TMEM150B: variants seen among roughly 807,000 people sequenced by gnomAD.
TMEM150B encodes the protein modulator of macroautophagy TMEM150B.
Under a neutral mutation model 25.2 loss-of-function variants are expected in TMEM150B, and 33 were observed. That is an observed-to-expected ratio of 1.31 (90% CI 0.99 to 1.75). The LOEUF is 1.75. Ranked by LOEUF, TMEM150B falls within the 40% of genes most tolerant of loss-of-function variation. The pLI is 0.00. For synonymous variants in TMEM150B, 133 were observed against 134.8 expected (o/e 0.99, Z 0.09); for missense variants, 322 against 306.1 (o/e 1.05, Z -0.39).
At chr19:55,319,952 A>G in intron 6 of TMEM150B, 87 bp downstream of exon 6, 2 of 1,572,622 alleles carry the variant, frequency 1.3e-6, no homozygotes, top group Non-Finnish European at 1.7e-6. Flanking sequence ...AGCCCCCGAG[A>G]CAATAAGCCT....
chr19:55,312,115 G>GT, downstream of TMEM150B: 1 of 815,676 alleles, frequency 1.2e-6, no homozygotes, highest in South Asian at 1.9e-5. Context: ...CCCCCCTTCC[G>GT]TGCCCCCCAA....
chr19:55,319,834 A>G, intron 6 of TMEM150B: 7 of 1,407,724 alleles, frequency 5.0e-6, no homozygotes, highest in South Asian at 4.7e-5. Context: ...AGTCCTACAT[A>G]CAAACAGCCT....
At chr19:55,310,127 G>A (rs1198824970), downstream of TMEM150B, among the ~76,000 whole-genome samples, 1 of 152,216 alleles carries the variant, frequency 6.6e-6, no homozygotes, top group African/African-American at 2.4e-5. This position sits in a 1 kb window ranked among gnomAD's most constrained non-coding sequence, Gnocchi z 5.0. Flanking sequence ...TGTTTTCTAT[G>A]GCCGCCGTCA....
downstream of TMEM150B, chr19:55,312,076 G>A: frequency 2.1e-6 from 3 of 1,408,820 alleles, no homozygotes. Flanking sequence ...TGACCCCACG[G>A]GGCCGGGGAG....
At chr19:55,320,881 C>G in intron 3 of TMEM150B, 88 bp downstream of exon 3, 1 of 1,496,664 alleles carries the variant, frequency 6.7e-7, no homozygotes, top group Non-Finnish European at 9.0e-7. Context: ...TCCAGGCCCC[C>G]AACCCCTTCC....
intron 1 of TMEM150B, 90 bp from the exon 2 acceptor site, chr19:55,322,833 G>T (rs1310592798): frequency 1.8e-6 from 1 of 569,300 alleles, no homozygotes. Flanking sequence ...AAACCACCGT[G>T]TCCTGTCTCC....
Position 55,320,102 on chromosome 19 carries a change from G to A in TMEM150B, c.261C>T (p.Asn87=), listed in dbSNP as rs2089155396. Reference sequence around the variant, plus strand: ...GAAGACCCGTCCATAGGATCAGCTGGTTAGGCCACCTTCTGACGCCCCAGT... The same window carrying A: ...GAAGACCCGTCCATAGGATCAGCTGATTAGGCCACCTTCTGACGCCCCAGT... The part of the protein sequence containing the change: ...LRDWGVRRWP[N]QLILWTGLLC... Residue 87 remains asparagine (N), a synonymous_variant, in exon 6 of 8, where the codon AAC becomes AAT. Coordinates refer to ENST00000326652, the MANE Select transcript of TMEM150B (RefSeq NM_001282011.2). The A allele has an allele frequency of 6.2e-7, 1 of 1,614,174 alleles. No homozygotes were observed. Among genetic ancestry groups the A allele is most frequent in the Non-Finnish European group, 8.5e-7 (1 of 1,180,034 alleles).
chr19:55,321,492 C>T (rs1033550505), intron 2 of TMEM150B, among the ~76,000 whole-genome samples: 4 of 152,058 alleles, frequency 2.6e-5, no homozygotes, highest in South Asian at 4.1e-4. Flanking sequence ...CCAGCTGGAG[C>T]GCTGGAGGGC....
At chr19:55,317,261 A>G (rs892704021) in intron 6 of TMEM150B, among the ~76,000 whole-genome samples, 1 of 152,210 alleles carries the variant, frequency 6.6e-6, no homozygotes, top group Non-Finnish European at 1.5e-5. Context: ...CATTTCCCCA[A>G]AAATTGGTCT....
chr19:55,312,746 C>A, downstream of TMEM150B: 1 of 1,219,064 alleles, frequency 8.2e-7, no homozygotes, highest in Non-Finnish European at 1.1e-6. Context: ...CAGCGGCAGC[C>A]CCAGCTGGTT....
chr19:55,313,085 C>CCGTGACAGA, intron 7 of TMEM150B, 30 bp from the exon 8 acceptor site: 1 of 1,580,594 alleles, frequency 6.3e-7, no homozygotes, highest in Middle Eastern at 2.0e-4. Flanking sequence ...CACACTGCTA[C>CCGTGACAGA]CGTGACAGAC....
At chr19:55,317,477 C>G (rs936399354) in intron 6 of TMEM150B, among the ~76,000 whole-genome samples, 5 of 152,058 alleles carry the variant, frequency 3.3e-5, no homozygotes, top group Admixed American at 6.6e-5. Context: ...AAAACCTCGT[C>G]TCTACAAAAA....
rs767266573 is a variant in TMEM150B at position 55,312,859 on chromosome 19, C to T, written c.702G>A (p.Ter234=). The T allele has an allele frequency of 1.0e-5, 16 of 1,583,422 alleles. No homozygotes were observed. Among genetic ancestry groups the T allele is most frequent in the Non-Finnish European group, 1.4e-5 (16 of 1,166,076 alleles). The change falls in exon 8 of 8, where the codon TAG becomes TAA. Residue 234 remains the stop codon, a stop_retained_variant. Transcript: ENST00000326652. ...ASPISLPVQL[*] The stretch of plus-strand genomic sequence containing the variant: ...GGCAAGGCCCGGGTCAGGGTGCCTG[C>T]TACAGCTGGACCGGCAGGGAGATGG...
At chr19:55,311,628 A>G (rs946684585), downstream of TMEM150B, among the ~76,000 whole-genome samples, 1 of 152,140 alleles carries the variant, frequency 6.6e-6, no homozygotes, top group African/African-American at 2.4e-5. Context: ...TCCTAAAGTC[A>G]GGCCCGGCCC....
At chr19:55,312,099 C>T, downstream of TMEM150B, 1 of 1,072,462 alleles carries the variant, frequency 9.3e-7, no homozygotes, top group Non-Finnish European at 1.3e-6. Flanking sequence ...AGGGGACCCC[C>T]CTCCACCCCC....
chr19:55,313,628 T>G (rs1028585294), intron 7 of TMEM150B, among the ~76,000 whole-genome samples: 3 of 152,062 alleles, frequency 2.0e-5, no homozygotes, highest in African/African-American at 7.2e-5. Context: ...CGGCCCTCTC[T>G]TCATCCTTCT....
chr19:55,321,007 G>A lies in TMEM150B; in HGVS notation c.30C>T (p.Val10=), dbSNP rs1422732791. The A allele has an allele frequency of 1.2e-6, 2 of 1,613,828 alleles. No homozygotes were observed. The highest frequency in any genetic ancestry group is 1.7e-6 in the Non-Finnish European group (2 of 1,179,884). MWGYLSLMP[V]FLAVWAISGV... ...CAGAGATAGCCCAGACAGCTAGGAA[G>A]ACAGGCATCAGCGACAGGTAGCCCC... Residue 10 remains valine (V), a synonymous_variant, in exon 3 of 8, where the codon GTC becomes GTT. Coordinates refer to ENST00000326652, the MANE Select transcript of TMEM150B (RefSeq NM_001282011.2).
Position 55,313,101 on chromosome 19 carries a change from G to A in TMEM150B, c.506-46C>T, listed in dbSNP as rs373564097. On this transcript the variant is annotated intron_variant, in intron 7 of 7. Transcript: ENST00000326652. ...ACACTGCTACCGTGACAGACGCGGA[G>A]CCCGGCCTGGTCTCTGTGCCGCCTC... 70 of 1,543,762 alleles carry A rather than the reference G, an allele frequency of 4.5e-5. 2 individuals are homozygous for A. The African/African-American group carries it at 6.9e-4, about 15-fold the overall frequency.
chr19:55,312,826 C>G lies in TMEM150B; in HGVS notation c.*33G>C, dbSNP rs746799217. 5.1e-5 allele frequency: 79 copies of G among 1,543,502 alleles called. No homozygotes were observed. Among genetic ancestry groups the G allele is most frequent in the Non-Finnish European group, 6.6e-5 (76 of 1,143,530 alleles). ...GATTGGCCCCATCTTTCCTGCTTCA[C>G]TGGTGAGGGCAAGGCCCGGGTCAGG... On this transcript the variant is annotated 3_prime_UTR_variant, in exon 8 of 8. Transcript: ENST00000326652.
Sources: allele counts gnomAD v4.1 joint callset (sites outside exome capture counted in the v4.1 genomes callset), GRCh38; gene constraint gnomAD v4.1.1; non-coding constraint Gnocchi (gnomAD v3.1); transcripts MANE v1.5; gene names NCBI Gene and HGNC (gene_info 2026-07-23, HGNC 2026-07-21).